Variants in NXPE2 observed in about 807,000 individuals in gnomAD.
NXPE2 encodes NXPE family member 2.
In NXPE2, 34 loss-of-function variants were observed where a neutral mutation model predicts 34.4. That is an observed-to-expected ratio of 0.99 (90% CI 0.75 to 1.31). The LOEUF (loss-of-function observed/expected upper bound fraction) is 1.31. Among genes scored for constraint, NXPE2 ranks in the 40% most tolerant of loss-of-function variants. NXPE2 has a pLI of 0.00. For synonymous variants in NXPE2, 235 were observed against 231.3 expected, an observed-to-expected ratio of 1.02 and a Z score of -0.15; for missense variants, 649 against 672.5, an observed-to-expected ratio of 0.97 and a Z score of 0.39.
the NXPE2 span, among the ~76,000 whole-genome samples, chr11:114,733,167 G>T: frequency 1.4e-4 from 21 of 152,220 alleles, no homozygotes; most frequent in African/African-American, 5.1e-4. Flanking sequence ...CGCAATCTCG[G>T]CTTACTGCAA....
the NXPE2 span, among the ~76,000 whole-genome samples, chr11:114,487,540 C>T: frequency 6.6e-6 from 1 of 152,148 alleles, no homozygotes; most frequent in African/African-American, 2.4e-5. Context: ...CTAGCTAGGA[C>T]TTCCCATCCT....
At chr11:114,639,819 A>G in the NXPE2 span, among the ~76,000 whole-genome samples, 1 of 119,162 alleles carries the variant, frequency 8.4e-6, no homozygotes, top group Non-Finnish European at 1.6e-5. Flanking sequence ...ATAATATAAA[A>G]TATAATATAT....
the NXPE2 span, chr11:114,522,150 C>T: frequency 1.2e-6 from 2 of 1,613,976 alleles, no homozygotes; most frequent in Non-Finnish European, 8.5e-7. Flanking sequence ...CCAAACCTCT[C>T]TGTCTCTATG....
At chr11:114,553,831 G>A in the NXPE2 span, 20 of 959,338 alleles carry the variant, frequency 2.1e-5, no homozygotes, top group East Asian at 2.3e-4. Context: ...CTTTCCAACT[G>A]CTCATTCAGT....
chr11:114,620,665 T>C, the NXPE2 span, among the ~76,000 whole-genome samples: 1 of 151,396 alleles, frequency 6.6e-6, no homozygotes, highest in Non-Finnish European at 1.5e-5. Context: ...CAGTGGAGAA[T>C]AAATATTGTC....
chr11:114,482,763 A>G, the NXPE2 span, among the ~76,000 whole-genome samples: 1 of 152,170 alleles, frequency 6.6e-6, no homozygotes, highest in Admixed American at 6.5e-5. Flanking sequence ...TGAGTGCACT[A>G]AGACTTTCTC....
chr11:114,802,754 C>T, the NXPE2 span, among the ~76,000 whole-genome samples: 4 of 152,076 alleles, frequency 2.6e-5, no homozygotes, highest in Admixed American at 6.6e-5. Flanking sequence ...TATGACATGA[C>T]ATGATGCCGT....
the NXPE2 span, among the ~76,000 whole-genome samples, chr11:114,543,824 C>T: frequency 5.3e-5 from 8 of 152,134 alleles, no homozygotes; most frequent in East Asian, 1.9e-4. Flanking sequence ...TGACTGTCTA[C>T]GTAGAATCTA....
the NXPE2 span, among the ~76,000 whole-genome samples, chr11:114,799,850 T>TCCCTCCCTTCATCTCA: frequency 1.3e-5 from 2 of 151,220 alleles, no homozygotes; most frequent in African/African-American, 4.9e-5. Flanking sequence ...ACAGTTCCCC[T>TCCCTCCCTTCATCTCA]CCCTCCCTTC....
chr11:114,571,001 A>C, the NXPE2 span: 6 of 1,613,250 alleles, frequency 3.7e-6, no homozygotes, highest in South Asian at 5.5e-5. Flanking sequence ...GTGGGTGTAC[A>C]TTATTTGTGC....
Position 114,698,578 on chromosome 11 carries a change from C to A in NXPE2, c.666C>A (p.Asn222Lys), listed in dbSNP as rs1408483572. ...DRIIFTGLFA[N>K]RSSNVFTECG... The stretch of plus-strand genomic sequence containing the variant: ...TCATCTTCACTGGCCTGTTTGCCAA[C>A]AGAAGCTCCAATGTCTTCACTGAAT... Residue 222 changes from asparagine (N) to lysine (K), a missense_variant, in exon 3 of 6, where the codon AAC becomes AAA. Transcript: ENST00000389586. 6.2e-7 allele frequency: 1 copy of A among 1,614,186 alleles called. No homozygotes were observed.
chr11:114,467,407 A>G, the NXPE2 span, among the ~76,000 whole-genome samples: 4 of 152,306 alleles, frequency 2.6e-5, 1 homozygote, highest in Admixed American at 6.5e-5. Context: ...TTTTAAGGAG[A>G]TCTAGTCCTA....
At chr11:114,566,729 A>G in the NXPE2 span, among the ~76,000 whole-genome samples, 6 of 152,202 alleles carry the variant, frequency 3.9e-5, no homozygotes, top group African/African-American at 1.2e-4. Context: ...CTCTGTATAT[A>G]TAGAATATTT....
chr11:114,496,974 T>C, the NXPE2 span, among the ~76,000 whole-genome samples: 2 of 152,248 alleles, frequency 1.3e-5, no homozygotes, highest in Admixed American at 6.5e-5. Context: ...TAAACGATTA[T>C]GTTACTGGTT....
At chr11:114,480,102 C>T in the NXPE2 span, among the ~76,000 whole-genome samples, 2 of 152,136 alleles carry the variant, frequency 1.3e-5, no homozygotes, top group South Asian at 2.1e-4. Flanking sequence ...CACTAGGCCT[C>T]ATCTCCAACA....
At chr11:114,546,590 C>G in the NXPE2 span, among the ~76,000 whole-genome samples, 2 of 151,852 alleles carry the variant, frequency 1.3e-5, no homozygotes, top group Admixed American at 1.3e-4. Flanking sequence ...GCATGGGGCA[C>G]CATGCCTGGC....
the NXPE2 span, among the ~76,000 whole-genome samples, chr11:114,799,795 C>T: frequency 0.82 from 125,435 of 152,136 alleles, 52,197 homozygotes; most frequent in East Asian, 0.92. Flanking sequence ...CAAAGGGCTC[C>T]GGAATGACAA....
chr11:114,658,827 A>G, the NXPE2 span, among the ~76,000 whole-genome samples: 11 of 152,274 alleles, frequency 7.2e-5, no homozygotes, highest in East Asian at 2.1e-3. Context: ...AGACCTACCT[A>G]GGATTGAGGC....
At chr11:114,540,058 C>T in the NXPE2 span, among the ~76,000 whole-genome samples, 5 of 152,264 alleles carry the variant, frequency 3.3e-5, no homozygotes, top group South Asian at 2.1e-4. Flanking sequence ...ACCTCCAAAG[C>T]GATTCTCCTG....
Sources: gnomAD v4.1 joint callset for allele counts (sites outside exome capture counted in the v4.1 genomes callset) on GRCh38, gnomAD v4.1.1 for gene constraint, MANE v1.5 for transcripts, NCBI Gene and HGNC (gene_info 2026-07-23, HGNC 2026-07-21) for gene names.